The following XPO1 variants were observed in gnomAD, a reference collection of about 807,000 sequenced individuals.
XPO1 encodes the protein exportin 1.
A neutral mutation model predicts 133.3 loss-of-function variants in XPO1; 5 were observed. The ratio of observed to expected loss-of-function variants is 0.04; its 90% CI spans 0.02 to 0.08. The LOEUF (loss-of-function observed/expected upper bound fraction) is 0.08. Ranked by LOEUF, XPO1 falls within the 10% of genes least tolerant of loss-of-function variation. XPO1 has a pLI of 1.00. For missense variants in XPO1, 506 were observed against 1,267.5 expected, an observed-to-expected ratio of 0.40 and a Z score of 9.12; for synonymous variants, 419 against 408.2, an observed-to-expected ratio of 1.03 and a Z score of -0.32.
intron 19 of XPO1, among the ~76,000 whole-genome samples, chr2:61,486,701 C>T (rs1696713316): frequency 6.6e-6 from 1 of 152,156 alleles, no homozygotes; most frequent in Non-Finnish European, 1.5e-5. Flanking sequence ...TCGTGATCCA[C>T]CCAACTCAGA....
intron 4 of XPO1, among the ~76,000 whole-genome samples, chr2:61,504,488 A>T (rs1697698974): frequency 6.6e-6 from 1 of 152,192 alleles, no homozygotes. Context: ...ATACTCTCAC[A>T]TCTGTTCACT....
intron 4 of XPO1, among the ~76,000 whole-genome samples, chr2:61,512,174 T>C (rs1698129612): frequency 6.6e-6 from 1 of 152,234 alleles, no homozygotes; most frequent in South Asian, 2.1e-4. Context: ...TTTGCTCCCA[T>C]CTCTAACATT....
intron 20 of XPO1, chr2:61,484,404 G>C (rs775726142): frequency 1.4e-5 from 4 of 280,300 alleles, no homozygotes; most frequent in African/African-American, 2.2e-5. Context: ...TTTTTAATTT[G>C]AAATCACCAC....
At chr2:61,493,089 G>A (rs372148474) in intron 12 of XPO1, 36 bp from the exon 13 acceptor site, 39 of 1,531,428 alleles carry the variant, frequency 2.5e-5, no homozygotes, top group East Asian at 2.3e-4. Context: ...GAAAAAAATC[G>A]TTAGATCACT....
At chr2:61,484,968 A>ATC (rs2104335125) in intron 20 of XPO1, 1 of 152,102 alleles carries the variant, frequency 6.6e-6, no homozygotes, top group Admixed American at 6.6e-5. Context: ...TGGTCTTGAA[A>ATC]TCCTGACCTC....
intron 16 of XPO1, 79 bp from the exon 17 acceptor site, chr2:61,490,855 G>A (rs1013670148): frequency 1.5e-5 from 23 of 1,539,230 alleles, no homozygotes; most frequent in East Asian, 9.0e-5. Context: ...ATTCACAAAC[G>A]TCTTGAAACT....
At chr2:61,521,964 C>A (rs1698714921) in intron 4 of XPO1, among the ~76,000 whole-genome samples, 1 of 152,124 alleles carries the variant, frequency 6.6e-6, no homozygotes, top group South Asian at 2.1e-4. Context: ...CGCTATGTTA[C>A]CCAGGATGGT....
chr2:61,482,713 C>G, intron 22 of XPO1, 174 bp from the exon 23 acceptor site: 2 of 760,482 alleles, frequency 2.6e-6, no homozygotes, highest in South Asian at 2.0e-5. Flanking sequence ...CCAAGCCATT[C>G]TCCTGCCTCA....
intron 4 of XPO1, among the ~76,000 whole-genome samples, chr2:61,506,269 C>T (rs1057131453): frequency 6.6e-6 from 1 of 152,016 alleles, no homozygotes; most frequent in East Asian, 1.9e-4. Flanking sequence ...AAAAATACAA[C>T]AAAATTAGCC....
intron 4 of XPO1, among the ~76,000 whole-genome samples, chr2:61,511,781 C>T (rs1412642566): frequency 2.0e-5 from 3 of 150,758 alleles, no homozygotes; most frequent in South Asian, 2.1e-4. Context: ...CTTTTTGAGA[C>T]GGAGCCTTGC....
At chr2:61,529,834 C>T (rs1054105145) in intron 2 of XPO1, among the ~76,000 whole-genome samples, 2 of 152,210 alleles carry the variant, frequency 1.3e-5, no homozygotes, top group African/African-American at 4.8e-5. Flanking sequence ...TGGTTGTTCT[C>T]TACCCAGAAA....
At chr2:61,489,809 C>T (rs1696883073) in intron 17 of XPO1, among the ~76,000 whole-genome samples, 2 of 152,108 alleles carry the variant, frequency 1.3e-5, no homozygotes, top group Admixed American at 1.3e-4. Context: ...CTGCCTCGGC[C>T]TCCCAAAGTG....
intron 4 of XPO1, 25 bp downstream of exon 4, chr2:61,522,585 GA>G: frequency 6.3e-7 from 1 of 1,596,240 alleles, no homozygotes; most frequent in Non-Finnish European, 8.6e-7. Flanking sequence ...ACAAAACTCT[GA>G]ATTTATAATT....
At chr2:61,499,473 A>G (rs902769840) in intron 7 of XPO1, among the ~76,000 whole-genome samples, 10 of 152,222 alleles carry the variant, frequency 6.6e-5, no homozygotes, top group Non-Finnish European at 1.3e-4. Context: ...AGAACCTATT[A>G]AACTAGTTAC....
intron 16 of XPO1, among the ~76,000 whole-genome samples, chr2:61,491,760 G>A (rs1431809182): frequency 1.3e-5 from 2 of 152,034 alleles, no homozygotes; most frequent in Admixed American, 1.3e-4. Flanking sequence ...AGCTGAGTGT[G>A]ATGGCAGTGC....
Position 61,495,443 on chromosome 2 carries a change from C to T in XPO1, c.1047+12G>A, listed in dbSNP as rs759578285. The T allele has an allele frequency of 1.6e-5, 25 of 1,515,284 alleles. No homozygotes were observed. Among genetic ancestry groups the T allele is most frequent in the Non-Finnish European group, 2.0e-5 (23 of 1,125,694 alleles). 93.9% of individuals were successfully genotyped at this position (1,515,284 alleles called of 1,614,324 possible). A position where few individuals can be genotyped will look rare whatever the true frequency, so the allele number is the denominator to read the frequency against. ...AGCAGAATTTTAGGAGCAAAAGCTCCACATATCTTACCTCCATAAGAGTTT... is the reference window on the plus strand; with the variant it reads ...AGCAGAATTTTAGGAGCAAAAGCTCTACATATCTTACCTCCATAAGAGTTT... On this transcript the variant is annotated intron_variant, in intron 11 of 24. Transcript: ENST00000401558.
chr2:61,493,697 C>T (rs1697104578), intron 12 of XPO1, 197 bp downstream of exon 12: 2 of 572,910 alleles, frequency 3.5e-6, no homozygotes. Flanking sequence ...AATGTTGATA[C>T]TGAGAGAAGG....
chr2:61,482,962 G>T lies in XPO1; in HGVS notation c.2807C>A (p.Thr936Asn). ...AAATCGTATTAAATTCTTACCAGCAGTATGTGAAGTGTCTGTCACAACAGA... is the reference window on the plus strand; with the variant it reads ...AAATCGTATTAAATTCTTACCAGCATTATGTGAAGTGTCTGTCACAACAGA... ...IFSVVTDTSH[T>N]AGLTMHASIL... The change falls in exon 22 of 25, where the codon ACT becomes AAT. Residue 936 changes from threonine (T) to asparagine (N), a missense_variant. Physicochemically the swap from Thr to Asn is moderately conservative, Grantham distance 65. Around this residue, in one of 6 missense-constraint regions of XPO1, gnomAD observed 203 missense variants for 365.9 expected, o/e 0.55. Transcript: ENST00000401558. 6.2e-7 allele frequency: 1 copy of T among 1,613,606 alleles called. No individual in the cohort carries two copies. The highest frequency in any genetic ancestry group is 8.5e-7 in the Non-Finnish European group (1 of 1,179,950).
chr2:61,502,965 CTTTT>C (rs201077547), intron 4 of XPO1, among the ~76,000 whole-genome samples: 120 of 138,294 alleles, frequency 8.7e-4, no homozygotes, highest in Middle Eastern at 3.8e-3. Context: ...TGTTTCTTTT[CTTTT>C]TTTTTTTTTT....
Sources: allele counts gnomAD v4.1 joint callset (sites outside exome capture counted in the v4.1 genomes callset), GRCh38; gene constraint gnomAD v4.1.1; regional missense constraint gnomAD v4.1.1; transcripts MANE v1.5; gene names NCBI Gene and HGNC (gene_info 2026-07-23, HGNC 2026-07-21).